The following FOLR1 variants were observed in gnomAD, a reference collection of about 807,000 sequenced individuals.
FOLR1 encodes KB cells FBP.
A neutral mutation model predicts 22.8 loss-of-function variants in FOLR1; 11 were observed. The ratio of observed to expected loss-of-function variants is 0.48; its 90% confidence interval spans 0.30 to 0.80. The LOEUF (loss-of-function observed/expected upper bound fraction) is 0.80, where lower values mean the gene tolerates loss of function less well. Among genes scored for constraint, FOLR1 ranks in the 30% least tolerant of loss-of-function variants. FOLR1 has a pLI of 0.06. For synonymous variants in FOLR1, 108 were observed against 116.5 expected (o/e 0.93, Z 0.47); for missense variants, 273 against 320.3 (o/e 0.85, Z 1.13).
In FOLR1 at chr11:72,195,763, G is replaced by A; in HGVS notation, c.493+16G>A. On this transcript the variant is annotated intron_variant, in intron 3 of 3. Transcript: ENST00000393676. ...TGGACTTCAGGTGAGGGCTGGGGTG[G>A]GCAGGAATGGAGGGATTTGGAAGTG... The A allele has an allele frequency of 2.5e-6, 4 of 1,614,202 alleles. No individual in the cohort carries two copies. The highest frequency in any genetic ancestry group is 3.4e-6 in the Non-Finnish European group (4 of 1,180,040).
intron 3 of FOLR1, 35 bp from the exon 4 acceptor site, chr11:72,195,862 G>A: frequency 6.2e-7 from 1 of 1,614,152 alleles, no homozygotes; most frequent in Non-Finnish European, 8.5e-7. Context: ...ATAGTTCCGG[G>A]CCCAGTGGCT....
chr11:72,194,238 C>T (rs1948196649), intron 1 of FOLR1, among the ~76,000 whole-genome samples: 1 of 152,160 alleles, frequency 6.6e-6, no homozygotes, highest in Non-Finnish European at 1.5e-5. Flanking sequence ...AGTTGTTTCT[C>T]AATAACTTAT....
Position 72,195,698 on chromosome 11 carries a change from C to T in FOLR1, c.444C>T (p.Thr148=). The T allele has an allele frequency of 6.2e-7, 1 of 1,614,210 alleles. No homozygotes were observed. Among genetic ancestry groups the T allele is most frequent in the Non-Finnish European group, 8.5e-7 (1 of 1,180,030 alleles). The stretch of plus-strand genomic sequence containing the variant: ...AGCAATGGTGGGAAGATTGTCGCAC[C>T]TCCTACACCTGCAAGAGCAACTGGC... ...DCEQWWEDCR[T]SYTCKSNWHK... is the part of the protein sequence containing the mutation. Residue 148 remains threonine, a synonymous_variant, in exon 3 of 4, where the codon ACC becomes ACT. Transcript: ENST00000393676.
intron 1 of FOLR1, among the ~76,000 whole-genome samples, chr11:72,194,336 C>T (rs1948197664): frequency 6.6e-6 from 1 of 152,128 alleles, no homozygotes; most frequent in African/African-American, 2.4e-5. Context: ...GGCAGCTAGT[C>T]AGGGACAAAA....
rs1026331856 is a variant in FOLR1 at position 72,196,004 on chromosome 11, A to T, written c.601A>T (p.Asn201Tyr). The stretch of plus-strand genomic sequence containing the variant: ...CTGGACTCACTCCTACAAGGTCAGC[A>T]ACTACAGCCGAGGGAGTGGCCGCTG... ...EIWTHSYKVS[N>Y]YSRGSGRCIQ... Residue 201 changes from asparagine (N) to tyrosine (Y), a missense_variant, in exon 4 of 4, where the codon AAC (asparagine) becomes TAC (tyrosine). Transcript: ENST00000393676. 7 of 1,614,206 alleles carry T rather than the reference A, an allele frequency of 4.3e-6. No individual in the cohort carries two copies. Among genetic ancestry groups the T allele is most frequent in the Non-Finnish European group, 5.9e-6 (7 of 1,180,036 alleles).
In FOLR1 at chr11:72,192,189, A is replaced by G. The variant is rs1565363862; in HGVS notation, c.16A>G (p.Thr6Ala). Residue 6 changes from threonine (T) to alanine (A), a missense_variant, in exon 1 of 4, where the codon ACA becomes GCA. Coordinates refer to ENST00000393676, the MANE Select transcript of FOLR1 (RefSeq NM_016729.3). MAQRM[T>A]TQLLLLLVWV... ...AGGGACAGACATGGCTCAGCGGATG[A>G]CAACACAGCTGCTGCTCCTTCTAGT... is the stretch of plus-strand genomic sequence containing the variant. 2 of 1,614,170 alleles carry G rather than the reference A, an allele frequency of 1.2e-6. No individual in the cohort carries two copies. The highest frequency in any genetic ancestry group is 2.2e-5 in the South Asian group (2 of 91,084).
chr11:72,196,221 GC>G lies in FOLR1; in HGVS notation c.*48del, dbSNP rs1353588621. ...TACCTGGAAATCCCTGCCCTGTTCA[GC>G]CCCACAGCTCCCAACTATTTGGTTC... On this transcript the variant is annotated 3_prime_UTR_variant, in exon 4 of 4. Transcript: ENST00000393676. 1 of 1,609,572 alleles carries G rather than the reference GC, an allele frequency of 6.2e-7. No homozygotes were observed. Among genetic ancestry groups the G allele is most frequent in the African/African-American group, 1.3e-5 (1 of 74,816 alleles).
rs976257546 is a variant in FOLR1 at position 72,196,141 on chromosome 11, T to C, written c.738T>C (p.Leu246=). The C allele has an allele frequency of 1.2e-6, 2 of 1,614,184 alleles. No individual in the cohort carries two copies. Among genetic ancestry groups the C allele is most frequent in the Non-Finnish European group, 1.7e-6 (2 of 1,180,038 alleles). Residue 246 remains leucine, a synonymous_variant, in exon 4 of 4, where the codon CTT becomes CTC. Coordinates refer to ENST00000393676, the MANE Select transcript of FOLR1 (RefSeq NM_016729.3). ...CCTGGGCAGCCTGGCCTTTCCTGCT[T>C]AGCCTGGCCCTAATGCTGCTGTGGC... ...AGPWAAWPFL[L]SLALMLLWLL... is the part of the protein sequence containing the mutation.
At chr11:72,193,115 A>C (rs999275377) in intron 1 of FOLR1, among the ~76,000 whole-genome samples, 1 of 152,146 alleles carries the variant, frequency 6.6e-6, no homozygotes, top group African/African-American at 2.4e-5. Flanking sequence ...TGGGCAGATC[A>C]CTTGAGCTCA....
downstream of FOLR1, chr11:72,196,311 A>C (rs1948235773): frequency 3.3e-6 from 3 of 908,602 alleles, no homozygotes; most frequent in Non-Finnish European, 5.3e-6. Flanking sequence ...ATGTGTCTTG[A>C]GAATTATTTG....
In FOLR1 at chr11:72,192,177, G is replaced by A; in HGVS notation, c.4G>A (p.Ala2Thr). 6.2e-7 allele frequency: 1 copy of A among 1,614,148 alleles called. No individual in the cohort carries two copies. Among genetic ancestry groups the A allele is most frequent in the Non-Finnish European group, 8.5e-7 (1 of 1,180,016 alleles). Residue 2 changes from alanine (A) to threonine (T), a missense_variant, in exon 1 of 4, where the codon GCT becomes ACT. Ala to Thr is a moderately conservative substitution (Grantham distance 58, BLOSUM62 0). Coordinates refer to ENST00000393676, the MANE Select transcript of FOLR1 (RefSeq NM_016729.3). MAQRMTTQLLLL... is the reference protein window; with the variant it reads MTQRMTTQLLLL... ...AGCTCTTTCTTCAGGGACAGACATG[G>A]CTCAGCGGATGACAACACAGCTGCT...
upstream of FOLR1, among the ~76,000 whole-genome samples, chr11:72,191,633 A>G (rs34465999): frequency 0.072 from 10,894 of 152,188 alleles, 454 homozygotes; most frequent in East Asian, 0.18. Context: ...AAGTGCTGGG[A>G]TTACAGGCAT....
At chr11:72,192,673 T>C (rs1948172315) in intron 1 of FOLR1, among the ~76,000 whole-genome samples, 1 of 152,182 alleles carries the variant, frequency 6.6e-6, no homozygotes, top group Non-Finnish European at 1.5e-5. Context: ...GGGAAGAAAC[T>C]GCACACTGTG....
chr11:72,195,950 C>A lies in FOLR1; in HGVS notation c.547C>A (p.Pro183Thr). ...AACQPFHFYF[P>T]TPTVLCNEIW... ...CTGCCAACCTTTCCATTTCTACTTC[C>A]CCACACCCACTGTTCTGTGCAATGA... Residue 183 changes from proline (P) to threonine (T), a missense_variant, in exon 4 of 4, where the codon CCC becomes ACC. Transcript: ENST00000393676. The A allele has an allele frequency of 6.2e-7, 1 of 1,614,206 alleles. No homozygotes were observed. The highest frequency in any genetic ancestry group is 8.5e-7 in the Non-Finnish European group (1 of 1,180,038).
At chr11:72,192,410 C>T in intron 1 of FOLR1, 69 bp downstream of exon 1, 3 of 1,556,416 alleles carry the variant, frequency 1.9e-6, no homozygotes, top group Admixed American at 1.7e-5. Flanking sequence ...CATGGAAATG[C>T]CAAACCCCAT....
chr11:72,193,370 GGGGAGGAAGGAAA>G (rs1431431156), intron 1 of FOLR1, among the ~76,000 whole-genome samples: 3 of 149,468 alleles, frequency 2.0e-5, no homozygotes, highest in Non-Finnish European at 4.4e-5. Flanking sequence ...AAGGAAGGAA[GGGGAGGAAGGAAA>G]GGGAGGGAGG....
Position 72,195,889 on chromosome 11 carries a change from CT to C in FOLR1, c.494-7del, listed in dbSNP as rs763975018. 3.1e-6 allele frequency: 5 copies of C among 1,614,072 alleles called. No individual in the cohort carries two copies. In the East Asian group the frequency reaches 1.1e-4, roughly 36 times the overall value. On this transcript the variant is annotated splice_region_variant and splice_polypyrimidine_tract_variant and intron_variant, in intron 3 of 3. Coordinates refer to ENST00000393676, the MANE Select transcript of FOLR1 (RefSeq NM_016729.3). ...CCAGTGGCTAAAGGTCTTCCCTCCT[CT>C]CTACAGGGTTTAACAAGTGCGCAGT...
In FOLR1 at chr11:72,195,183, A is replaced by G; in HGVS notation, c.169-88A>G. 3 of 1,284,248 alleles carry G rather than the reference A, an allele frequency of 2.3e-6. No individual in the cohort carries two copies. The South Asian group carries it at 3.6e-5, about 15-fold the overall frequency. 79.6% of individuals were successfully genotyped at this position (1,284,248 alleles called of 1,614,324 possible). ...CTTCCAGTGGGCTGGGGAATCAAGG[A>G]CTAAGAGGGGAGACACTGCATGTGG... On this transcript the variant is annotated intron_variant, in intron 1 of 3. Coordinates refer to ENST00000393676, the MANE Select transcript of FOLR1 (RefSeq NM_016729.3).
Position 72,192,378 on chromosome 11 carries a change from G to T in FOLR1, c.168+37G>T, listed in dbSNP as rs77771906. The T allele has an allele frequency of 2.2e-3, 3,589 of 1,611,238 alleles. 56 individuals are homozygous for T. The African/African-American group carries it at 0.042, about 19-fold the overall frequency. On this transcript the variant is annotated intron_variant, in intron 1 of 3. Transcript: ENST00000393676. ...GGTGATCTGGGGTGGTGAGGGACTG[G>T]CTCAGGAAGAGGAAACGAGGACATG...
Sources: allele counts gnomAD v4.1 joint callset (sites outside exome capture counted in the v4.1 genomes callset), GRCh38; gene constraint gnomAD v4.1.1; transcripts MANE v1.5; gene names NCBI Gene and HGNC (gene_info 2026-07-23, HGNC 2026-07-21).